MLLT3: variants seen among roughly 807,000 people sequenced by gnomAD.
MLLT3 encodes protein AF-9.
In MLLT3, 4 loss-of-function variants were observed where a neutral mutation model predicts 53.2. The observed-to-expected ratio is 0.08, with a 90% CI of 0.04 to 0.17. The LOEUF is 0.17. Ranked by LOEUF, MLLT3 falls within the 10% of genes least tolerant of loss-of-function variation. The pLI, the probability that MLLT3 is intolerant of heterozygous loss-of-function variation, is 1.00. For synonymous variants in MLLT3, 283 were observed against 230.6 expected (o/e 1.23, Z -2.06); for missense variants, 569 against 684.0 (o/e 0.83, Z 1.87).
chr9:20,612,296 T>C (rs1023818865), intron 2 of MLLT3, among the ~76,000 whole-genome samples: 8 of 152,166 alleles, frequency 5.3e-5, no homozygotes, highest in Admixed American at 5.2e-4. Context: ...AAGTGTCCTT[T>C]CCAGCTCTAA....
intron 2 of MLLT3, among the ~76,000 whole-genome samples, chr9:20,474,215 AT>A: frequency 6.6e-6 from 1 of 152,260 alleles, no homozygotes; most frequent in East Asian, 1.9e-4. Flanking sequence ...TTCTTCAGTA[AT>A]TTTGGCTTAA....
chr9:20,466,510 G>T (rs777344176), intron 2 of MLLT3, among the ~76,000 whole-genome samples: 4 of 152,060 alleles, frequency 2.6e-5, no homozygotes, highest in Non-Finnish European at 4.4e-5. Context: ...ATCAAACATA[G>T]TATCAGTTTA....
intron 2 of MLLT3, among the ~76,000 whole-genome samples, chr9:20,516,085 C>T (rs1429210120): frequency 1.3e-5 from 2 of 152,126 alleles, no homozygotes; most frequent in African/African-American, 4.8e-5. Context: ...GCCATAAACC[C>T]CAGACCCAGC....
At chr9:20,376,053 C>A (rs918091195) in intron 5 of MLLT3, among the ~76,000 whole-genome samples, 2 of 152,150 alleles carry the variant, frequency 1.3e-5, no homozygotes, top group Non-Finnish European at 2.9e-5. Context: ...GATCTACGTT[C>A]TTTTCCTAAC....
chr9:20,543,627 A>G (rs1818701966), intron 2 of MLLT3, among the ~76,000 whole-genome samples: 1 of 151,904 alleles, frequency 6.6e-6, no homozygotes, highest in Non-Finnish European at 1.5e-5. Context: ...GGGCAGAAGA[A>G]TGAGACCCTG....
At chr9:20,414,450 A>G (rs781346769) in intron 4 of MLLT3, 25 bp from the exon 5 acceptor site, 1 of 1,601,758 alleles carries the variant, frequency 6.2e-7, no homozygotes, top group Non-Finnish European at 8.5e-7. Context: ...GAAGAAAATG[A>G]AACTCCCAAA....
intron 4 of MLLT3, among the ~76,000 whole-genome samples, chr9:20,433,528 A>T (rs1407998896): frequency 1.3e-5 from 2 of 152,192 alleles, no homozygotes; most frequent in East Asian, 1.9e-4. Flanking sequence ...ATTCGAATCA[A>T]GTAATGGGTG....
chr9:20,540,351 T>A (rs549961502), intron 2 of MLLT3, among the ~76,000 whole-genome samples: 1 of 152,360 alleles, frequency 6.6e-6, no homozygotes, highest in East Asian at 1.9e-4. Flanking sequence ...GTAGAGGTTC[T>A]CCATGTGGCC....
intron 4 of MLLT3, among the ~76,000 whole-genome samples, 154 bp downstream of exon 4, chr9:20,447,969 A>C (rs1274393221): frequency 6.6e-6 from 1 of 152,142 alleles, no homozygotes; most frequent in African/African-American, 2.4e-5. Flanking sequence ...ATCTCAACAC[A>C]TGAATCCACA....
intron 2 of MLLT3, among the ~76,000 whole-genome samples, chr9:20,510,286 A>T (rs1040937851): frequency 1.3e-5 from 2 of 152,162 alleles, no homozygotes; most frequent in East Asian, 3.9e-4. Flanking sequence ...AAGGTACTCA[A>T]CCTTACTGGT....
chr9:20,348,926 C>T (rs1234151213), intron 10 of MLLT3, among the ~76,000 whole-genome samples: 1 of 152,072 alleles, frequency 6.6e-6, no homozygotes, highest in Non-Finnish European at 1.5e-5. Context: ...TGAACTAAGA[C>T]TATGTATTTT....
intron 4 of MLLT3, among the ~76,000 whole-genome samples, chr9:20,427,126 CA>C (rs1432118978): frequency 1.3e-5 from 2 of 151,944 alleles, no homozygotes; most frequent in Non-Finnish European, 2.9e-5. Flanking sequence ...AACAAGCCAC[CA>C]TGATGTGAGG....
intron 2 of MLLT3, among the ~76,000 whole-genome samples, chr9:20,607,431 T>C (rs1820598378): frequency 6.6e-6 from 1 of 152,092 alleles, no homozygotes; most frequent in Non-Finnish European, 1.5e-5. Flanking sequence ...CATTTAGAAT[T>C]CTCTCAAAAG....
At chr9:20,511,746 A>G (rs1047850397) in intron 2 of MLLT3, among the ~76,000 whole-genome samples, 13 of 152,140 alleles carry the variant, frequency 8.5e-5, no homozygotes, top group Non-Finnish European at 1.8e-4. Context: ...ACACATACAT[A>G]CATACATATG....
chr9:20,553,625 GC>G (rs1442585081), intron 2 of MLLT3, among the ~76,000 whole-genome samples: 1 of 152,110 alleles, frequency 6.6e-6, no homozygotes, highest in African/African-American at 2.4e-5. Context: ...TTTATCCCAT[GC>G]CTATGACAGA....
chr9:20,569,562 A>T (rs1170137172), intron 2 of MLLT3, among the ~76,000 whole-genome samples: 1 of 152,196 alleles, frequency 6.6e-6, no homozygotes, highest in African/African-American at 2.4e-5. Context: ...CTACTACAAC[A>T]TACTTATAAT....
chr9:20,414,288 G>T lies in MLLT3; in HGVS notation c.558C>A (p.Ser186Arg). ...SSSSSSSSSSSSSSSTSFSKP... is the reference protein window; with the variant it reads ...SSSSSSSSSSRSSSSTSFSKP... Reference sequence around the variant, plus strand: ...TTGAAAAACTGGTACTACTGCTGCTGCTGCTGCTGCTACTGCTGCTGCTAC... The same window carrying T: ...TTGAAAAACTGGTACTACTGCTGCTTCTGCTGCTGCTACTGCTGCTGCTAC... Residue 186 changes from serine (S) to arginine (R), a missense_variant, in exon 5 of 11, where the codon AGC becomes AGA. By Grantham distance (110) the Ser-to-Arg change is moderately radical (BLOSUM62 -1). This residue lies in a region of MLLT3 where 437 missense variants were observed against 376.5 expected (regional missense o/e 1.16). Transcript: ENST00000380338. 1 of 1,611,630 alleles carries T rather than the reference G, an allele frequency of 6.2e-7. No homozygotes were observed. The highest frequency in any genetic ancestry group is 8.5e-7 in the Non-Finnish European group (1 of 1,179,050).
At chr9:20,379,310 T>C (rs938737543) in intron 5 of MLLT3, among the ~76,000 whole-genome samples, 2 of 152,072 alleles carry the variant, frequency 1.3e-5, no homozygotes, top group African/African-American at 4.8e-5. Flanking sequence ...TTAAATACAC[T>C]GAAGTCCCAT....
At chr9:20,468,326 C>T (rs190887472) in intron 2 of MLLT3, among the ~76,000 whole-genome samples, 1 of 152,032 alleles carries the variant, frequency 6.6e-6, no homozygotes, top group African/African-American at 2.4e-5. Context: ...TTTATTTTTG[C>T]TGTCATAGCT....
Sources: allele counts gnomAD v4.1 joint callset (sites outside exome capture counted in the v4.1 genomes callset), GRCh38; gene constraint gnomAD v4.1.1; regional missense constraint gnomAD v4.1.1; transcripts MANE v1.5; gene names NCBI Gene and HGNC (gene_info 2026-07-23, HGNC 2026-07-21).